VWA8: variants seen among roughly 807,000 people sequenced by gnomAD.
VWA8 encodes von Willebrand factor A domain-containing protein 8.
In VWA8, 221 loss-of-function variants were observed where a neutral mutation model predicts 241.5. The observed-to-expected ratio is 0.91, with a 90% confidence interval of 0.82 to 1.02. The LOEUF is 1.02. Among genes scored for constraint, VWA8 ranks in the 50% least tolerant of loss-of-function variants. The pLI, the probability that VWA8 is intolerant of heterozygous loss-of-function variation, is 0.00. For missense variants in VWA8, 2,322 were observed against 2,328.7 expected (o/e 1.00, Z 0.06); for synonymous variants, 852 against 827.1 (o/e 1.03, Z -0.52).
intron 21 of VWA8, among the ~76,000 whole-genome samples, chr13:41,753,965 A>G (rs557767294): frequency 6.6e-6 from 1 of 152,290 alleles, no homozygotes; most frequent in East Asian, 1.9e-4. Context: ...ATGAGCTAAA[A>G]TGTTATAGCA....
chr13:41,883,482 GA>G lies in VWA8; in HGVS notation c.984del (p.Pro329LeufsTer2). ...ATTGCATGTTTGATTGGCATCATAG[GA>G]AAGGAATCCTATGTAGGAGCAAAAA... ...LAAAVQILDSFPMMPIKHAIQ... is the reference protein window; with the variant it reads ...LAAAVQILDSXPMMPIKHAIQ... On this transcript the variant is annotated frameshift_variant, in exon 9 of 45. Transcript: ENST00000379310. LOFTEE classifies it high-confidence loss of function. 2 of 1,612,344 alleles carry G rather than the reference GA, an allele frequency of 1.2e-6. No individual in the cohort carries two copies. Among genetic ancestry groups the G allele is most frequent in the Non-Finnish European group, 1.7e-6 (2 of 1,178,898 alleles).
At chr13:41,882,094 GC>G (rs1874250404) in intron 9 of VWA8, among the ~76,000 whole-genome samples, 1 of 150,244 alleles carries the variant, frequency 6.7e-6, no homozygotes, top group African/African-American at 2.5e-5. Context: ...AGACGGGGCG[GC>G]CGGGCAGAGA....
At chr13:41,914,817 T>G (rs1220315499) in intron 2 of VWA8, among the ~76,000 whole-genome samples, 1 of 152,208 alleles carries the variant, frequency 6.6e-6, no homozygotes, top group Non-Finnish European at 1.5e-5. Flanking sequence ...AAATCCAAAA[T>G]TTGTAAAGTT....
intron 21 of VWA8, among the ~76,000 whole-genome samples, chr13:41,755,083 T>C (rs1166996900): frequency 6.6e-6 from 1 of 152,138 alleles, no homozygotes; most frequent in Non-Finnish European, 1.5e-5. Flanking sequence ...AGAGTGCAGA[T>C]GTCCCTTCAA....
Position 41,900,154 on chromosome 13 carries a change from A to T in VWA8, c.483+7432T>A, listed in dbSNP as rs4310759. On this transcript the variant is annotated intron_variant, in intron 4 of 44. Coordinates refer to ENST00000379310, the MANE Select transcript of VWA8 (RefSeq NM_015058.2). ...ATAGTTATCTATGCCTACACTTGTTATGAAAACAGAATAGAACAAGTTTAT... is the reference window on the plus strand; with the variant it reads ...ATAGTTATCTATGCCTACACTTGTTTTGAAAACAGAATAGAACAAGTTTAT... Among the ~76,000 whole-genome samples, 959 of 152,360 alleles carry T rather than the reference A, an allele frequency of 6.3e-3. 6 individuals carry two copies. The highest frequency in any genetic ancestry group is 0.022 in the African/African-American group (911 of 41,588).
chr13:41,833,373 T>C lies in VWA8; in HGVS notation c.1584A>G (p.Gln528=), dbSNP rs745607947. 5.6e-6 allele frequency: 9 copies of C among 1,608,174 alleles called. No individual in the cohort carries two copies. Among genetic ancestry groups the C allele is most frequent in the Admixed American group, 5.1e-5 (3 of 59,116 alleles). The change falls in exon 13 of 45, where the codon CAA becomes CAG. Residue 528 remains glutamine, a splice_region_variant and synonymous_variant. Coordinates refer to ENST00000379310, the MANE Select transcript of VWA8 (RefSeq NM_015058.2). ...TGATTTTTGTGACTCATACCCACCT[T>C]TGCAATACAGCAAGCGTGCCCGCAT... The part of the protein sequence containing the change: ...RVNAGTLAVL[Q]RLIHDRELSL...
At chr13:41,736,843 T>C (rs1197800688) in intron 21 of VWA8, among the ~76,000 whole-genome samples, 6 of 126,622 alleles carry the variant, frequency 4.7e-5, no homozygotes, top group East Asian at 4.6e-4. Context: ...TTTTTTCTTT[T>C]CTTTTTTTTT....
intron 40 of VWA8, among the ~76,000 whole-genome samples, chr13:41,603,203 A>T (rs1028284072): frequency 2.0e-5 from 3 of 152,136 alleles, no homozygotes; most frequent in African/African-American, 7.2e-5. Context: ...CAGAGTTTTC[A>T]TTCATTCCTC....
At chr13:41,748,688 C>T (rs1212031440) in intron 21 of VWA8, among the ~76,000 whole-genome samples, 1 of 152,036 alleles carries the variant, frequency 6.6e-6, no homozygotes, top group African/African-American at 2.4e-5. Context: ...AGAACAGAGC[C>T]CTCAGAAATA....
At chr13:41,637,173 A>G (rs1003769003) in intron 37 of VWA8, among the ~76,000 whole-genome samples, 1 of 151,390 alleles carries the variant, frequency 6.6e-6, no homozygotes, top group Non-Finnish European at 1.5e-5. Flanking sequence ...CAAATGTCCA[A>G]CAACGATAGA....
intron 41 of VWA8, among the ~76,000 whole-genome samples, chr13:41,588,648 T>C (rs1013110769): frequency 2.7e-5 from 4 of 149,806 alleles, no homozygotes; most frequent in African/African-American, 4.9e-5. Flanking sequence ...TTGAGCCCAA[T>C]AGTTTGAGGC....
intron 12 of VWA8, among the ~76,000 whole-genome samples, chr13:41,863,912 C>T (rs897179703): frequency 2.0e-5 from 3 of 151,886 alleles, no homozygotes; most frequent in Admixed American, 2.0e-4. Context: ...ATACAATTTA[C>T]CCATGTAAAT....
chr13:41,693,095 T>C (rs2045191064), intron 29 of VWA8, 123 bp from the exon 30 acceptor site: 1 of 604,894 alleles, frequency 1.7e-6, no homozygotes, highest in South Asian at 2.0e-5. Context: ...AAAGACAATA[T>C]TGTAATACTT....
In VWA8 at chr13:41,578,386, T is replaced by A. The variant is rs1233870152; in HGVS notation, c.5272-2548A>T. Among the ~76,000 whole-genome samples, 3 of 152,082 alleles carry A rather than the reference T, an allele frequency of 2.0e-5. No homozygotes were observed. The East Asian group carries it at 5.8e-4, about 29-fold the overall frequency. On this transcript the variant is annotated intron_variant, in intron 42 of 44. Coordinates refer to ENST00000379310, the MANE Select transcript of VWA8 (RefSeq NM_015058.2). ...ACGCTTGGGAGGAATCTAAAGTACA[T>A]CCAAATGTGGACCATTCCCTGGCGT...
Position 41,699,141 on chromosome 13 carries a change from C to T in VWA8, c.3494G>A (p.Trp1165Ter). The change falls in exon 29 of 45, where the codon TGG becomes TAG. Residue 1165 changes from tryptophan (W) to a stop codon, truncating the protein, a stop_gained. Transcript: ENST00000379310. LOFTEE classifies it high-confidence loss of function. Reference sequence around the variant, plus strand: ...CGGTGCCACTGTCACAAAAGGGTGCCAAACGCCATTGGCTGTTCTTGGGAA... The same window carrying T: ...CGGTGCCACTGTCACAAAAGGGTGCTAAACGCCATTGGCTGTTCTTGGGAA... Reference protein sequence around the residue: ...DIFPRTANGVWHPFVTVAPLG... With the variant: ...DIFPRTANGV 6.2e-7 allele frequency: 1 copy of T among 1,614,032 alleles called. No homozygotes were observed. The highest frequency in any genetic ancestry group is 8.5e-7 in the Non-Finnish European group (1 of 1,179,966).
rs1566461912 is a variant in VWA8 at position 41,799,013 on chromosome 13, A to C, written c.2064-11470T>G. Among the ~76,000 whole-genome samples, 3 of 152,176 alleles carry C rather than the reference A, an allele frequency of 2.0e-5. No individual in the cohort carries two copies. The South Asian group carries it at 6.2e-4, about 31-fold the overall frequency. ...GTTCTGTTTGTTTGATTTTTCTTTC[A>C]GATCTATCAGTTCATTTTCTCCTCT... is the stretch of plus-strand genomic sequence containing the variant. On this transcript the variant is annotated intron_variant, in intron 17 of 44. Transcript: ENST00000379310.
chr13:41,791,547 A>T (rs1593775294), intron 17 of VWA8, among the ~76,000 whole-genome samples: 1 of 151,812 alleles, frequency 6.6e-6, no homozygotes, highest in Non-Finnish European at 1.5e-5. Context: ...ACTGGTGTGT[A>T]TTTGTTGTCC....
intron 40 of VWA8, among the ~76,000 whole-genome samples, chr13:41,604,393 C>G (rs2044540410): frequency 1.3e-5 from 2 of 152,024 alleles, no homozygotes; most frequent in Admixed American, 1.3e-4. Context: ...TTATAAAGAT[C>G]TTTCCTCCTG....
chr13:41,674,559 T>C (rs981909381), intron 36 of VWA8, among the ~76,000 whole-genome samples: 1 of 152,148 alleles, frequency 6.6e-6, no homozygotes, highest in African/African-American at 2.4e-5. Flanking sequence ...AAGCTTAGGT[T>C]GGAAGAGGGA....
Sources: allele counts gnomAD v4.1 joint callset (sites outside exome capture counted in the v4.1 genomes callset), GRCh38; gene constraint gnomAD v4.1.1; transcripts MANE v1.5; gene names NCBI Gene and HGNC (gene_info 2026-07-23, HGNC 2026-07-21).